DPH6: variants seen among roughly 807,000 people sequenced by gnomAD.
DPH6 encodes diphthine--ammonia ligase.
Under a neutral mutation model 38.2 loss-of-function variants are expected in DPH6, and 33 were observed. The observed-to-expected ratio is 0.86, with a 90% CI of 0.65 to 1.15. The LOEUF is 1.15. DPH6 is among the 50% of genes most tolerant of loss of function. The pLI is 0.00. For synonymous variants in DPH6, 108 were observed against 103.0 expected, an observed-to-expected ratio of 1.05 and a Z score of -0.30; for missense variants, 325 against 320.0, an observed-to-expected ratio of 1.02 and a Z score of -0.12.
intron 3 of DPH6, among the ~76,000 whole-genome samples, chr15:35,279,068 A>AAAAAAAAAAAAAATAAATATAT (rs1555390826): frequency 3.9e-5 from 4 of 102,968 alleles, no homozygotes; most frequent in Admixed American, 1.1e-4. Context: ...AAAAAAAAAA[A>AAAAAAAAAAAAAATAAATATAT]ATATATATAT....
chr15:35,245,713 C>T (rs1051163621), intron 3 of DPH6, among the ~76,000 whole-genome samples: 1 of 152,184 alleles, frequency 6.6e-6, no homozygotes, highest in Non-Finnish European at 1.5e-5. Flanking sequence ...TCTCTCAAAT[C>T]AAACAAATCA....
chr15:35,221,895 C>T (rs2051445570), intron 3 of DPH6, among the ~76,000 whole-genome samples: 1 of 152,130 alleles, frequency 6.6e-6, no homozygotes. Context: ...CCATGCAGCA[C>T]CCTCAATATT....
rs780707481 is a variant in DPH6, at chr15:35,419,421, T to C, written c.506-8525A>G. Among the ~76,000 whole-genome samples, 6 of 152,090 alleles carry C rather than the reference T, an allele frequency of 3.9e-5. No homozygotes were observed. The East Asian group carries it at 5.8e-4, about 15-fold the overall frequency. On this transcript the variant is annotated intron_variant, in intron 5 of 8. Transcript: ENST00000256538. ...CTTAAATGCTTACAGCTCTTAGAGG[T>C]TGTGTTATGAGTTATCTCAACACGT...
At chr15:35,478,231 A>G (rs997467358) in intron 3 of DPH6, among the ~76,000 whole-genome samples, 3 of 151,904 alleles carry the variant, frequency 2.0e-5, no homozygotes, top group Non-Finnish European at 2.9e-5. Context: ...CTATAACTAA[A>G]TACAACTGCT....
At chr15:35,271,074 C>G (rs530225654) in intron 3 of DPH6, among the ~76,000 whole-genome samples, 1 of 152,130 alleles carries the variant, frequency 6.6e-6, no homozygotes, top group Non-Finnish European at 1.5e-5. Context: ...GGTATAAATA[C>G]GTCCAGGAAA....
At chr15:35,286,284 T>C (rs1470109569) in intron 3 of DPH6, among the ~76,000 whole-genome samples, 5 of 152,198 alleles carry the variant, frequency 3.3e-5, no homozygotes, top group African/African-American at 1.2e-4. Context: ...GATGTGATGA[T>C]AGCACATTAA....
chr15:35,185,724 C>CTTTTTTTTTTTT, the DPH6 span, among the ~76,000 whole-genome samples: 1 of 83,012 alleles, frequency 1.2e-5, no homozygotes, highest in Non-Finnish European at 2.5e-5. Context: ...CCAATCCACT[C>CTTTTTTTTTTTT]TTTTTTTTTT....
chr15:35,504,388 T>C (rs1350267695), intron 3 of DPH6, among the ~76,000 whole-genome samples: 1 of 152,074 alleles, frequency 6.6e-6, no homozygotes, highest in Non-Finnish European at 1.5e-5. Flanking sequence ...CTTCTCACTC[T>C]TGATGAATCA....
At position 35,409,888 on chromosome 15, in the gene DPH6, T is replaced by C. The variant is rs557863243; in HGVS notation, c.567+947A>G. On this transcript the variant is annotated intron_variant, in intron 6 of 8. Transcript: ENST00000256538. ...TAATCTTTACTATCTGCCTGGAATA[T>C]ACTAGATGCTTAATAATAATTATTA... is the stretch of plus-strand genomic sequence containing the variant. Among the ~76,000 whole-genome samples, 8 of 152,010 alleles carry C rather than the reference T, an allele frequency of 5.3e-5. No individual in the cohort carries two copies. In the East Asian group the frequency reaches 1.5e-3, roughly 29 times the overall value.
chr15:35,478,833 T>C (rs1595399723), intron 3 of DPH6, among the ~76,000 whole-genome samples: 1 of 152,012 alleles, frequency 6.6e-6, no homozygotes, highest in South Asian at 2.1e-4. Flanking sequence ...ATTAGATAGA[T>C]AGGCTGGCAA....
intron 3 of DPH6, among the ~76,000 whole-genome samples, chr15:35,339,275 C>T (rs1174655549): frequency 1.8e-4 from 27 of 151,392 alleles, no homozygotes; most frequent in Admixed American, 1.7e-3. Flanking sequence ...TCTTTGTTCT[C>T]ATTAGTTTCA....
rs1595507952 is a variant in DPH6 at position 35,373,765 on chromosome 15, A to T, written c.663-157T>A. 5.3e-5 allele frequency among the ~76,000 whole-genome samples: 8 copies of T among 152,104 alleles called. No homozygotes were observed. In the South Asian group the frequency reaches 1.7e-3, roughly 32 times the overall value. On this transcript the variant is annotated intron_variant, in intron 7 of 8. Transcript: ENST00000256538. ...TAATAAATATTTTTAATAACCCAGT[A>T]TTTAATTGGGAAAAGGTTCAAGTAT...
intron 3 of DPH6, among the ~76,000 whole-genome samples, chr15:35,476,797 C>T (rs2054269456): frequency 6.6e-6 from 1 of 151,726 alleles, no homozygotes; most frequent in South Asian, 2.1e-4. Flanking sequence ...AGTAACAATG[C>T]ATTTATTCAG....
At chr15:35,263,256 G>A (rs1277361077) in intron 3 of DPH6, among the ~76,000 whole-genome samples, 1 of 152,018 alleles carries the variant, frequency 6.6e-6, no homozygotes, top group African/African-American at 2.4e-5. Context: ...CAACCCTCCA[G>A]TGAGACTTTA....
At chr15:35,463,282 C>G (rs1345881130) in intron 3 of DPH6, among the ~76,000 whole-genome samples, 1 of 152,008 alleles carries the variant, frequency 6.6e-6, no homozygotes, top group Admixed American at 6.6e-5. Flanking sequence ...TAGTATGTAT[C>G]ATGAACCTTC....
At chr15:35,488,827 TAA>T (rs1402900761) in intron 3 of DPH6, among the ~76,000 whole-genome samples, 1 of 151,576 alleles carries the variant, frequency 6.6e-6, no homozygotes, top group African/African-American at 2.4e-5. Flanking sequence ...GACTGAGAGA[TAA>T]AGACACTGTA....
At chr15:35,324,896 A>G (rs1407533988) in intron 3 of DPH6, among the ~76,000 whole-genome samples, 1 of 152,198 alleles carries the variant, frequency 6.6e-6, no homozygotes, top group African/African-American at 2.4e-5. Context: ...TGAAACAATT[A>G]TAAGTTTAAA....
intron 3 of DPH6, among the ~76,000 whole-genome samples, chr15:35,492,131 A>G (rs2054491317): frequency 6.6e-6 from 1 of 152,080 alleles, no homozygotes; most frequent in Non-Finnish European, 1.5e-5. Context: ...AGGAGTGCTG[A>G]GGGCAGGAGA....
intron 5 of DPH6, among the ~76,000 whole-genome samples, chr15:35,411,900 A>G (rs992031296): frequency 2.0e-5 from 3 of 151,746 alleles, no homozygotes; most frequent in African/African-American, 7.2e-5. Flanking sequence ...ATGCAAAATT[A>G]TAAAACTCCT....
Sources: allele counts gnomAD v4.1 joint callset (sites outside exome capture counted in the v4.1 genomes callset), GRCh38; gene constraint gnomAD v4.1.1; transcripts MANE v1.5; gene names NCBI Gene and HGNC (gene_info 2026-07-23, HGNC 2026-07-21).